The following THSD4 variants were observed in gnomAD, a reference collection of about 807,000 sequenced individuals.
THSD4 encodes thrombospondin type-1 domain-containing protein 4.
Under a neutral mutation model 119.0 loss-of-function variants are expected in THSD4, and 69 were observed. The observed-to-expected ratio is 0.58, with a 90% CI of 0.48 to 0.71. The LOEUF (loss-of-function observed/expected upper bound fraction) is 0.71. Among genes scored for constraint, THSD4 ranks in the 30% least tolerant of loss-of-function variants. The pLI is 0.00. For missense variants in THSD4, 1,393 were observed against 1,391.1 expected (o/e 1.00, Z -0.02); for synonymous variants, 524 against 540.4 (o/e 0.97, Z 0.42).
chr15:71,356,332 G>A (rs1197107449), intron 6 of THSD4, among the ~76,000 whole-genome samples: 2 of 152,160 alleles, frequency 1.3e-5, no homozygotes, highest in Admixed American at 1.3e-4. Context: ...GTCATTCCCT[G>A]TCTAGTCCCC....
At chr15:71,571,770 G>A (rs1034067269) in intron 7 of THSD4, among the ~76,000 whole-genome samples, 8 of 152,092 alleles carry the variant, frequency 5.3e-5, no homozygotes, top group Non-Finnish European at 8.8e-5. Context: ...ATTCCCCCAC[G>A]CTGATCTTTT....
intron 6 of THSD4, among the ~76,000 whole-genome samples, chr15:71,337,033 G>A (rs1160636561): frequency 6.6e-6 from 1 of 152,172 alleles, no homozygotes; most frequent in Non-Finnish European, 1.5e-5. Context: ...GTGTGTGCGT[G>A]CATGCATGTG....
At chr15:71,483,450 C>T (rs762620896) in intron 7 of THSD4, among the ~76,000 whole-genome samples, 4 of 152,088 alleles carry the variant, frequency 2.6e-5, no homozygotes, top group Non-Finnish European at 4.4e-5. Context: ...GAATGATGTT[C>T]TAAAACTTGA....
At chr15:71,102,727 G>T (rs1484015652) in intron 1 of THSD4, among the ~76,000 whole-genome samples, 1 of 152,018 alleles carries the variant, frequency 6.6e-6, no homozygotes, top group Non-Finnish European at 1.5e-5. Context: ...ACCATGCCCA[G>T]CTAATTTTTT....
chr15:71,350,229 G>T (rs2140404296), intron 6 of THSD4, among the ~76,000 whole-genome samples: 1 of 150,658 alleles, frequency 6.6e-6, no homozygotes, highest in African/African-American at 2.4e-5. Context: ...ACTCAGCTTT[G>T]TCCTTGAGTT....
chr15:71,154,717 C>T, intron 2 of THSD4, 146 bp from the exon 3 acceptor site: 1 of 774,774 alleles, frequency 1.3e-6, no homozygotes, highest in Non-Finnish European at 2.2e-6. Flanking sequence ...GGGGCCAACA[C>T]TTTGTGTCTT....
At chr15:71,429,072 A>G (rs969656733) in intron 7 of THSD4, among the ~76,000 whole-genome samples, 1 of 152,208 alleles carries the variant, frequency 6.6e-6, no homozygotes, top group Non-Finnish European at 1.5e-5. Flanking sequence ...ATGCTGCTGT[A>G]GGGGCCAAGC....
At chr15:71,396,774 T>A (rs975128220) in intron 6 of THSD4, among the ~76,000 whole-genome samples, 4 of 152,226 alleles carry the variant, frequency 2.6e-5, no homozygotes, top group Admixed American at 1.3e-4. Flanking sequence ...TAACACAACA[T>A]GTCACACAGC....
At chr15:71,279,006 G>C (rs7174934) in intron 6 of THSD4, among the ~76,000 whole-genome samples, 23 of 152,042 alleles carry the variant, frequency 1.5e-4, no homozygotes, top group African/African-American at 5.3e-4. Flanking sequence ...GATTTTAAAC[G>C]GAGCAGCCTA....
upstream of THSD4, chr15:71,110,913 C>T (rs1038207525): frequency 5.9e-5 from 32 of 543,670 alleles, no homozygotes; most frequent in East Asian, 2.7e-4. Context: ...GGGCGTATGC[C>T]GTAGATCTCC....
At position 71,632,067 on chromosome 15, in the gene THSD4, T is replaced by G. The variant is rs150046516; in HGVS notation, c.1153-28463T>G. On this transcript the variant is annotated intron_variant, in intron 7 of 17. Transcript: ENST00000261862. The stretch of plus-strand genomic sequence containing the variant: ...ATGGGAAATATAATAATCATACCTA[T>G]CTTATAGAGCTGGCAGAAAAAGTGA... Among the ~76,000 whole-genome samples the G allele has an allele frequency of 4.2e-3, 644 of 152,298 alleles. 5 individuals are homozygous for G. The highest frequency in any genetic ancestry group is 0.015 in the African/African-American group (611 of 41,558).
chr15:71,358,198 C>T (rs2045847629), intron 6 of THSD4, among the ~76,000 whole-genome samples: 1 of 152,216 alleles, frequency 6.6e-6, no homozygotes, highest in Admixed American at 6.5e-5. Context: ...TCTCTCACCC[C>T]AGGGTACGGC....
At chr15:71,212,327 G>T (rs1055839103) in intron 3 of THSD4, among the ~76,000 whole-genome samples, 1 of 152,142 alleles carries the variant, frequency 6.6e-6, no homozygotes, top group East Asian at 1.9e-4. Flanking sequence ...ATAAATTAGA[G>T]AATTATTATG....
At chr15:71,528,089 C>T (rs1488718969) in intron 7 of THSD4, among the ~76,000 whole-genome samples, 7 of 152,146 alleles carry the variant, frequency 4.6e-5, no homozygotes, top group Non-Finnish European at 8.8e-5. Context: ...TAAGACTGAA[C>T]AGTGCCTTGG....
At chr15:71,618,903 G>C in intron 7 of THSD4, among the ~76,000 whole-genome samples, 1 of 151,282 alleles carries the variant, frequency 6.6e-6, no homozygotes, top group Non-Finnish European at 1.5e-5. Flanking sequence ...ATAATGTTTT[G>C]TTTTCTCAAA....
chr15:71,212,988 C>T (rs1366326282), intron 3 of THSD4, among the ~76,000 whole-genome samples: 3 of 152,192 alleles, frequency 2.0e-5, no homozygotes, highest in Non-Finnish European at 4.4e-5. Flanking sequence ...CTTCCTTGTT[C>T]TCCAAGTATG....
chr15:71,468,568 A>C (rs2047531629), intron 7 of THSD4, among the ~76,000 whole-genome samples: 1 of 152,228 alleles, frequency 6.6e-6, no homozygotes, highest in African/African-American at 2.4e-5. Flanking sequence ...CATTAGTTTT[A>C]GCTATAAGAG....
intron 11 of THSD4, among the ~76,000 whole-genome samples, chr15:71,743,106 G>A (rs2053267890): frequency 6.6e-6 from 1 of 151,406 alleles, no homozygotes; most frequent in African/African-American, 2.4e-5. Flanking sequence ...CCTTCAGAGA[G>A]CCAGAGGGCC....
intron 7 of THSD4, among the ~76,000 whole-genome samples, chr15:71,595,494 A>G (rs975998016): frequency 2.0e-5 from 3 of 152,170 alleles, no homozygotes; most frequent in Admixed American, 2.0e-4. Flanking sequence ...TCCTGCCATG[A>G]TTCGGAGGCC....
Sources: gnomAD v4.1 joint callset for allele counts (sites outside exome capture counted in the v4.1 genomes callset) on GRCh38, gnomAD v4.1.1 for gene constraint, MANE v1.5 for transcripts, NCBI Gene and HGNC (gene_info 2026-07-23, HGNC 2026-07-21) for gene names.